Variants in HMGXB4 observed in about 807,000 individuals in gnomAD.
HMGXB4 encodes the protein HMG-box containing 4.
In HMGXB4, 27 loss-of-function variants were observed where a neutral mutation model predicts 63.9. That is an observed-to-expected ratio of 0.42 (90% CI 0.31 to 0.58). HMGXB4 has a LOEUF of 0.58. HMGXB4 is among the 20% of genes least tolerant of loss of function. HMGXB4 has a pLI of 0.13. For missense variants in HMGXB4, 624 were observed against 700.7 expected, an observed-to-expected ratio of 0.89 and a Z score of 1.24; for synonymous variants, 264 against 265.3, an observed-to-expected ratio of 0.99 and a Z score of 0.05.
intron 5 of HMGXB4, among the ~76,000 whole-genome samples, chr22:35,279,877 T>C (rs1924141445): frequency 6.6e-6 from 1 of 152,170 alleles, no homozygotes; most frequent in Non-Finnish European, 1.5e-5. Context: ...TGCCACACTG[T>C]CTTGGTTATT....
chr22:35,281,541 C>T (rs928244042), intron 5 of HMGXB4, among the ~76,000 whole-genome samples: 1 of 152,206 alleles, frequency 6.6e-6, no homozygotes, highest in Admixed American at 6.5e-5. Context: ...AGAATAGGAA[C>T]ATTAACCTTT....
chr22:35,271,236 A>C (rs1047742918), intron 5 of HMGXB4, among the ~76,000 whole-genome samples: 3 of 152,156 alleles, frequency 2.0e-5, no homozygotes, highest in Non-Finnish European at 4.4e-5. Flanking sequence ...CTCAAAAAAA[A>C]TAAATAAAAA....
At position 35,286,009 on chromosome 22, in the gene HMGXB4, T is replaced by A; in HGVS notation, c.1310T>A (p.Leu437His). The change falls in exon 7 of 11, where the codon CTT becomes CAT. Residue 437 changes from leucine to histidine, a missense_variant. By Grantham distance (99) the Leu-to-His change is moderately conservative (BLOSUM62 -3). Transcript: ENST00000216106. Reference protein sequence around the residue: ...ADHPGIDFGELSKKLAEVWKQ... With the variant: ...ADHPGIDFGEHSKKLAEVWKQ... ...TCTTTTATGCCAGATTTTGGGGAAC[T>A]TAGTAAAAAACTGGCTGAGGTGTGG... 6.2e-7 allele frequency: 1 copy of A among 1,610,208 alleles called. No homozygotes were observed. The highest frequency in any genetic ancestry group is 8.5e-7 in the Non-Finnish European group (1 of 1,178,866).
In HMGXB4 at chr22:35,267,740, G is replaced by T. The variant is rs190819775; in HGVS notation, c.1215+2137G>T. 1.2e-3 allele frequency among the ~76,000 whole-genome samples: 187 copies of T among 152,246 alleles called. 1 individual carries two copies. Among genetic ancestry groups the T allele is most frequent in the African/African-American group, 4.4e-3 (182 of 41,510 alleles). On this transcript the variant is annotated intron_variant, in intron 5 of 10. Coordinates refer to ENST00000216106, the MANE Select transcript of HMGXB4 (RefSeq NM_001003681.3). ...ATTTTTCAGACAAAAAGGATTGAAA[G>T]AATTCTGTAATGAAAACTGTATCTC... is the stretch of plus-strand genomic sequence containing the variant.
In HMGXB4 at chr22:35,265,599, A is replaced by G; in HGVS notation, c.1211A>G (p.Glu404Gly). The G allele has an allele frequency of 6.4e-7, 1 of 1,570,446 alleles. No homozygotes were observed. The highest frequency in any genetic ancestry group is 8.6e-7 in the Non-Finnish European group (1 of 1,161,072). The change falls in exon 5 of 11, where the codon GAA becomes GGA. Residue 404 changes from glutamate to glycine, a missense_variant. By Grantham distance (98) the Glu-to-Gly change is moderately conservative. This residue lies in a region of HMGXB4 where 472 missense variants were observed against 470.6 expected (regional missense o/e 1.00). Coordinates refer to ENST00000216106, the MANE Select transcript of HMGXB4 (RefSeq NM_001003681.3). ...AAGGACAAAGAGAGAGAGAGAGGAG[A>G]AAAGGTAAAGCATCTTTTAAGTGTG... ...EEKDKERERG[E>G]KPKKKNMSAY...
At chr22:35,251,643 T>C in the HMGXB4 span, among the ~76,000 whole-genome samples, 92 of 152,296 alleles carry the variant, frequency 6.0e-4, no homozygotes, top group African/African-American at 2.0e-3. Context: ...GAAAATAAGA[T>C]GACTTGAAGA....
chr22:35,293,375 T>C (rs1925043828), intron 10 of HMGXB4, among the ~76,000 whole-genome samples: 1 of 152,264 alleles, frequency 6.6e-6, no homozygotes, highest in South Asian at 2.1e-4. Context: ...TCCTGTTTGC[T>C]ATTCTGCACC....
At chr22:35,264,600 G>C (rs759101593) in intron 4 of HMGXB4, 48 bp from the exon 5 acceptor site, 3 of 1,343,476 alleles carry the variant, frequency 2.2e-6, no homozygotes, top group Non-Finnish European at 3.1e-6. Context: ...AAACTTGTTA[G>C]AAGTTGCTTC....
In HMGXB4 at chr22:35,295,464, G is replaced by A. The variant is rs1796477261; in HGVS notation, c.*1813G>A. The A allele has an allele frequency of 6.6e-6, 1 of 152,634 alleles. No homozygotes were observed. Among genetic ancestry groups the A allele is most frequent in the Non-Finnish European group, 1.5e-5 (1 of 68,050 alleles). The allele number at this position is 152,634 out of a possible 1,614,324, so 9.5% of individuals were successfully genotyped here. A position where few individuals can be genotyped will look rare whatever the true frequency, so the allele number is the denominator to read the frequency against. ...ACACAGGGTATCTAGGAGGGGCGGG[G>A]AAGACATGGATAGTATAGGAAGACA... On this transcript the variant is annotated 3_prime_UTR_variant, in exon 11 of 11. Transcript: ENST00000216106.
rs574292509 is a variant in HMGXB4 at position 35,270,879 on chromosome 22, TA to T, written c.1215+5279del. 4.5e-3 allele frequency among the ~76,000 whole-genome samples: 683 copies of T among 152,360 alleles called. 4 individuals are homozygous for T. The highest frequency in any genetic ancestry group is 7.9e-3 in the Non-Finnish European group (539 of 68,028). On this transcript the variant is annotated intron_variant, in intron 5 of 10. Coordinates refer to ENST00000216106, the MANE Select transcript of HMGXB4 (RefSeq NM_001003681.3). The stretch of plus-strand genomic sequence containing the variant: ...TTTATAGTGTATATACTGTGGTTTT[TA>T]AACCTGATTTGTGCATAAAAAATTC...
At chr22:35,253,144 A>AAAAAAAAAAAAAAAAAAAAAGAAAAAAAG (rs11282400), upstream of HMGXB4, among the ~76,000 whole-genome samples, 4 of 125,368 alleles carry the variant, frequency 3.2e-5, no homozygotes, top group African/African-American at 1.1e-4. Context: ...AAAAAAAAAA[A>AAAAAAAAAAAAAAAAAAAAAGAAAAAAAG]AAAAAAGAAA....
intron 5 of HMGXB4, among the ~76,000 whole-genome samples, chr22:35,276,570 T>C (rs545024876): frequency 1.3e-5 from 2 of 152,270 alleles, no homozygotes; most frequent in Admixed American, 1.3e-4. Flanking sequence ...ACGAGTACCC[T>C]TTACATGAAC....
At chr22:35,272,513 A>G (rs1479738618) in intron 5 of HMGXB4, among the ~76,000 whole-genome samples, 1 of 152,198 alleles carries the variant, frequency 6.6e-6, no homozygotes, top group African/African-American at 2.4e-5. Context: ...TAATATCTTG[A>G]TGATTTCCCA....
Position 35,284,103 on chromosome 22 carries a change from A to G in HMGXB4, c.1297+60A>G, listed in dbSNP as rs1601640839. 2.8e-6 allele frequency: 3 copies of G among 1,075,130 alleles called. No individual in the cohort carries two copies. In the East Asian group the frequency reaches 7.2e-5, roughly 26 times the overall value. 66.6% of individuals were successfully genotyped at this position (1,075,130 alleles called of 1,614,324 possible). A position where few individuals can be genotyped will look rare whatever the true frequency, so the allele number is the denominator to read the frequency against. ...TCCATTTATATCTTGAAGCAGTGCG[A>G]TTAATTTCTTCTTCCTGTAGCATTA... On this transcript the variant is annotated intron_variant, in intron 6 of 10. Coordinates refer to ENST00000216106, the MANE Select transcript of HMGXB4 (RefSeq NM_001003681.3).
At chr22:35,264,038 A>AG in intron 4 of HMGXB4, 164 bp downstream of exon 4, 2 of 1,548,662 alleles carry the variant, frequency 1.3e-6, no homozygotes, top group Non-Finnish European at 8.7e-7. Context: ...AGAGAGGTGG[A>AG]GGGCTGGTAT....
chr22:35,261,364 A>G (rs560375442), intron 1 of HMGXB4, among the ~76,000 whole-genome samples: 1 of 149,968 alleles, frequency 6.7e-6, no homozygotes, highest in Non-Finnish European at 1.5e-5. Flanking sequence ...TGAACCCGGG[A>G]GGCGGAGGTT....
chr22:35,285,555 A>G (rs1924518605), intron 6 of HMGXB4, among the ~76,000 whole-genome samples: 1 of 152,146 alleles, frequency 6.6e-6, no homozygotes. Flanking sequence ...AAAAAAAAGA[A>G]AAAAGAAAAA....
chr22:35,243,496 A>T, the HMGXB4 span, among the ~76,000 whole-genome samples: 2 of 152,000 alleles, frequency 1.3e-5, no homozygotes, highest in African/African-American at 2.4e-5. Context: ...ACTGTCACAG[A>T]TATTTAAGAG....
chr22:35,255,250 C>T (rs1309681404), upstream of HMGXB4, among the ~76,000 whole-genome samples: 1 of 152,110 alleles, frequency 6.6e-6, no homozygotes, highest in Non-Finnish European at 1.5e-5. Flanking sequence ...GTAATCCCAG[C>T]ACTCTGGGAG....
Sources: gnomAD v4.1 joint callset for allele counts (sites outside exome capture counted in the v4.1 genomes callset) on GRCh38, gnomAD v4.1.1 for gene constraint, gnomAD v4.1.1 regional missense constraint, MANE v1.5 for transcripts, NCBI Gene and HGNC (gene_info 2026-07-23, HGNC 2026-07-21) for gene names.